ITPRID1: variants seen among roughly 807,000 people sequenced by gnomAD.
ITPRID1 encodes the protein protein ITPRID1.
In ITPRID1, 96 loss-of-function variants were observed where a neutral mutation model predicts 95.4. The ratio of observed to expected loss-of-function variants is 1.01; its 90% confidence interval spans 0.85 to 1.19. ITPRID1 has a LOEUF of 1.19. Among genes scored for constraint, ITPRID1 ranks in the 50% most tolerant of loss-of-function variants. The pLI, the probability that ITPRID1 is intolerant of heterozygous loss-of-function variation, is 0.00. For missense variants in ITPRID1, 1,339 were observed against 1,252.9 expected, an observed-to-expected ratio of 1.07 and a Z score of -1.04; for synonymous variants, 510 against 453.6, an observed-to-expected ratio of 1.12 and a Z score of -1.58.
chr7:31,525,695 G>C (rs568379213), intron 1 of ITPRID1, among the ~76,000 whole-genome samples: 1 of 152,210 alleles, frequency 6.6e-6, no homozygotes, highest in African/African-American at 2.4e-5. Flanking sequence ...TAACTCTAAG[G>C]GGGGAAATAC....
chr7:31,647,965 T>TA (rs1790634874), intron 12 of ITPRID1, among the ~76,000 whole-genome samples: 1 of 152,110 alleles, frequency 6.6e-6, no homozygotes, highest in Non-Finnish European at 1.5e-5. Context: ...AATAATTTGT[T>TA]AATTCAAAAA....
chr7:31,533,765 A>AT (rs999642379), intron 1 of ITPRID1, among the ~76,000 whole-genome samples: 3 of 152,148 alleles, frequency 2.0e-5, no homozygotes, highest in Non-Finnish European at 4.4e-5. Flanking sequence ...ATATTTGAGC[A>AT]TTTTTTAGGT....
At chr7:31,524,646 A>G (rs559768253) in intron 1 of ITPRID1, among the ~76,000 whole-genome samples, 2 of 152,356 alleles carry the variant, frequency 1.3e-5, no homozygotes, top group South Asian at 4.1e-4. Flanking sequence ...CATGGGGATC[A>G]GTAAAGCAAG....
chr7:31,515,802 A>G (rs1199759770), intron 1 of ITPRID1, among the ~76,000 whole-genome samples: 1 of 152,192 alleles, frequency 6.6e-6, no homozygotes, highest in Non-Finnish European at 1.5e-5. Flanking sequence ...TCTTATCTAC[A>G]GAAAGAATGA....
At chr7:31,624,114 A>C (rs1788202643) in intron 10 of ITPRID1, among the ~76,000 whole-genome samples, 1 of 150,988 alleles carries the variant, frequency 6.6e-6, no homozygotes, top group Admixed American at 6.6e-5. Flanking sequence ...GCTCAATGAA[A>C]TAAAAGAGGA....
intron 10 of ITPRID1, among the ~76,000 whole-genome samples, chr7:31,629,172 G>A (rs961288228): frequency 6.6e-6 from 1 of 152,108 alleles, no homozygotes; most frequent in Non-Finnish European, 1.5e-5. Flanking sequence ...CACTCTTCCA[G>A]GACATTGCAT....
intron 1 of ITPRID1, among the ~76,000 whole-genome samples, chr7:31,518,885 T>G (rs1207407619): frequency 6.6e-6 from 1 of 152,238 alleles, no homozygotes; most frequent in African/African-American, 2.4e-5. Flanking sequence ...TTCCTGAATC[T>G]TAATCTTCTA....
chr7:31,617,328 TTAAAGAA>T (rs1377150776), intron 10 of ITPRID1, among the ~76,000 whole-genome samples: 4 of 152,300 alleles, frequency 2.6e-5, no homozygotes, highest in Non-Finnish European at 5.9e-5. Context: ...TGATAAGCTA[TTAAAGAA>T]TAAGTGTTAA....
intron 1 of ITPRID1, among the ~76,000 whole-genome samples, chr7:31,528,888 A>G (rs1434005045): frequency 6.6e-6 from 1 of 152,226 alleles, no homozygotes; most frequent in Non-Finnish European, 1.5e-5. Flanking sequence ...GCAGCTTATC[A>G]AAATGAAGGA....
rs1337181028 is a variant in ITPRID1, at chr7:31,554,334, A to G, written c.164-141A>G. 5.9e-6 allele frequency: 8 copies of G among 1,357,012 alleles called. No homozygotes were observed. In the East Asian group the frequency reaches 2.1e-4, roughly 36 times the overall value. 84.1% of individuals were successfully genotyped at this position (1,357,012 alleles called of 1,614,324 possible). A position where few individuals can be genotyped will look rare whatever the true frequency, so the allele number is the denominator to read the frequency against. On this transcript the variant is annotated intron_variant, in intron 3 of 14. Transcript: ENST00000615280. ...AAAACAGGAGATTTTGCCTTCAGGA[A>G]AAAAAATGAATATGCTTATGGAAGG...
At chr7:31,526,819 T>C (rs1450616249) in intron 1 of ITPRID1, among the ~76,000 whole-genome samples, 1 of 152,136 alleles carries the variant, frequency 6.6e-6, no homozygotes, top group East Asian at 1.9e-4. Flanking sequence ...CACCATAATA[T>C]CTTACCTGGT....
At chr7:31,616,066 C>T (rs1030666190) in intron 10 of ITPRID1, among the ~76,000 whole-genome samples, 3 of 152,016 alleles carry the variant, frequency 2.0e-5, no homozygotes, top group Non-Finnish European at 2.9e-5. Flanking sequence ...ATTCTAATTC[C>T]GTTTTCTGTT....
chr7:31,528,571 G>A (rs1783495190), intron 1 of ITPRID1, among the ~76,000 whole-genome samples: 1 of 152,158 alleles, frequency 6.6e-6, no homozygotes, highest in African/African-American at 2.4e-5. Context: ...TTCAGCCACT[G>A]GTGATGAAGG....
At chr7:31,519,616 C>CCATA (rs1783163005) in intron 1 of ITPRID1, among the ~76,000 whole-genome samples, 1 of 38,480 alleles carries the variant, frequency 2.6e-5, no homozygotes, top group Non-Finnish European at 4.9e-5. Flanking sequence ...CTCTCTCTCT[C>CCATA]TCTCTATATA....
At chr7:31,610,682 CATT>C (rs1786826233) in intron 10 of ITPRID1, among the ~76,000 whole-genome samples, 1 of 151,390 alleles carries the variant, frequency 6.6e-6, no homozygotes, top group Non-Finnish European at 1.5e-5. Context: ...ACTCTTTTAT[CATT>C]ATAAAATGTT....
chr7:31,593,406 AG>A lies in ITPRID1; in HGVS notation c.1228+10216del, dbSNP rs528698694. ...GGCTGACTTTATCAATTTGTAAAAA[AG>A]CCCCTACAAATCAATGAGAAAAACA... On this transcript the variant is annotated intron_variant, in intron 10 of 14. Transcript: ENST00000615280. Among the ~76,000 whole-genome samples the A allele has an allele frequency of 3.9e-4, 60 of 152,358 alleles. 1 individual carries two copies. Among genetic ancestry groups the A allele is most frequent in the South Asian group, 3.7e-3 (18 of 4,828 alleles).
chr7:31,651,561 G>A (rs1790952909), intron 13 of ITPRID1, among the ~76,000 whole-genome samples: 1 of 152,122 alleles, frequency 6.6e-6, no homozygotes, highest in African/African-American at 2.4e-5. Flanking sequence ...AAATGTGGGA[G>A]TTATGAGAGT....
At position 31,554,536 on chromosome 7, in the gene ITPRID1, G is replaced by T. The variant is rs201836843; in HGVS notation, c.212+13G>T. On this transcript the variant is annotated intron_variant, in intron 4 of 14. Coordinates refer to ENST00000615280, the MANE Select transcript of ITPRID1 (RefSeq NM_001257967.3). ...ACTCTGGATTCTTGTAAGTGTTTTT[G>T]TGTGTGTGTGCCTTACATGTTTCTC... is the stretch of plus-strand genomic sequence containing the variant. 245 of 1,603,026 alleles carry T rather than the reference G, an allele frequency of 1.5e-4. No homozygotes were observed. The highest frequency in any genetic ancestry group is 3.3e-4 in the Middle Eastern group (2 of 6,038).
intron 10 of ITPRID1, among the ~76,000 whole-genome samples, chr7:31,639,572 T>C (rs1789831799): frequency 2.0e-5 from 3 of 148,346 alleles, no homozygotes; most frequent in South Asian, 4.3e-4. Context: ...AGTCTCACTC[T>C]GTCTCCCAGG....
Sources: gnomAD v4.1 joint callset for allele counts (sites outside exome capture counted in the v4.1 genomes callset) on GRCh38, gnomAD v4.1.1 for gene constraint, MANE v1.5 for transcripts, NCBI Gene and HGNC (gene_info 2026-07-23, HGNC 2026-07-21) for gene names.